TRABD2B: variants seen among roughly 807,000 people sequenced by gnomAD.
TRABD2B encodes the protein metalloprotease TIKI2.
In TRABD2B, 14 loss-of-function variants were observed where a neutral mutation model predicts 40.1. The ratio of observed to expected loss-of-function variants is 0.35; its 90% confidence interval spans 0.23 to 0.55. TRABD2B has a LOEUF of 0.55. Ranked by LOEUF, TRABD2B falls within the 20% of genes least tolerant of loss-of-function variation. TRABD2B has a pLI of 0.90. For missense variants in TRABD2B, 541 were observed against 648.6 expected (o/e 0.83, Z 1.80); for synonymous variants, 263 against 277.0 (o/e 0.95, Z 0.50).
intron 2 of TRABD2B, among the ~76,000 whole-genome samples, chr1:47,899,649 A>AAAAAG (rs1644572481): frequency 6.6e-6 from 1 of 152,206 alleles, no homozygotes; most frequent in African/African-American, 2.4e-5. Context: ...TTTGAAGAAG[A>AAAAAG]AAAAGGATTT....
chr1:47,860,717 T>TG (rs930021944), intron 2 of TRABD2B, among the ~76,000 whole-genome samples: 75 of 152,162 alleles, frequency 4.9e-4, no homozygotes, highest in African/African-American at 1.6e-3. Flanking sequence ...GTTTTGGTCA[T>TG]GGGGGGTCTC....
intron 2 of TRABD2B, among the ~76,000 whole-genome samples, chr1:47,822,297 C>T (rs1645122506): frequency 6.6e-6 from 1 of 152,214 alleles, no homozygotes; most frequent in South Asian, 2.1e-4. Flanking sequence ...AAGAACTCTC[C>T]ACCTTTCTAC....
intron 2 of TRABD2B, among the ~76,000 whole-genome samples, chr1:47,859,022 C>T (rs572632592): frequency 6.6e-6 from 1 of 152,280 alleles, no homozygotes; most frequent in Non-Finnish European, 1.5e-5. Flanking sequence ...GCAGGCTGGT[C>T]TTTGAGCCTG....
At chr1:47,886,424 C>T (rs1422429119) in intron 2 of TRABD2B, among the ~76,000 whole-genome samples, 1 of 152,178 alleles carries the variant, frequency 6.6e-6, no homozygotes, top group Non-Finnish European at 1.5e-5. Flanking sequence ...CTGCTGGACA[C>T]CTAGCTGGTG....
At chr1:47,984,509 C>G (rs1017194879) in intron 2 of TRABD2B, among the ~76,000 whole-genome samples, 15 of 152,342 alleles carry the variant, frequency 9.8e-5, no homozygotes, top group Admixed American at 7.2e-4. Context: ...CCCGGGGGAG[C>G]GCCAAGGTGA....
At chr1:47,903,922 A>T (rs1257993504) in intron 2 of TRABD2B, among the ~76,000 whole-genome samples, 2 of 152,200 alleles carry the variant, frequency 1.3e-5, no homozygotes, top group Non-Finnish European at 2.9e-5. Flanking sequence ...TGGTCAGATC[A>T]GGTCACTCTC....
chr1:47,987,655 A>G (rs1346359810), intron 2 of TRABD2B, among the ~76,000 whole-genome samples: 5 of 152,184 alleles, frequency 3.3e-5, no homozygotes, highest in Admixed American at 2.6e-4. Context: ...TGGAGAGGGG[A>G]TGGACAGAGC....
At chr1:47,950,060 C>T (rs1295802517) in intron 2 of TRABD2B, among the ~76,000 whole-genome samples, 12 of 151,994 alleles carry the variant, frequency 7.9e-5, no homozygotes, top group South Asian at 4.2e-4. Context: ...CCAAGGCAGA[C>T]GGATCACGAG....
At chr1:47,900,541 A>G (rs977457568) in intron 2 of TRABD2B, among the ~76,000 whole-genome samples, 5 of 152,142 alleles carry the variant, frequency 3.3e-5, no homozygotes, top group Admixed American at 2.0e-4. Context: ...GGAGCACCTA[A>G]AAGTGAAGTC....
chr1:47,915,595 G>C (rs1644820265), intron 2 of TRABD2B, among the ~76,000 whole-genome samples: 1 of 152,154 alleles, frequency 6.6e-6, no homozygotes, highest in African/African-American at 2.4e-5. Flanking sequence ...GGCCAGGCAG[G>C]GATTCAAAGC....
chr1:47,774,742 T>C (rs1014072471), intron 6 of TRABD2B, among the ~76,000 whole-genome samples: 1 of 152,234 alleles, frequency 6.6e-6, no homozygotes, highest in Non-Finnish European at 1.5e-5. Context: ...ACGGTTCCCT[T>C]TGCAGCCTCC....
chr1:47,949,175 C>T (rs1290515403), intron 2 of TRABD2B, among the ~76,000 whole-genome samples: 3 of 152,026 alleles, frequency 2.0e-5, no homozygotes. Context: ...GTGGGACAGA[C>T]ACTATTCTAA....
chr1:47,780,696 G>T (rs1165043816), intron 4 of TRABD2B, among the ~76,000 whole-genome samples: 1 of 152,188 alleles, frequency 6.6e-6, no homozygotes, highest in Non-Finnish European at 1.5e-5. Context: ...GTGGCACAGT[G>T]GGGGAGGCTG....
At chr1:47,834,509 G>A (rs545281249) in intron 2 of TRABD2B, among the ~76,000 whole-genome samples, 1 of 152,166 alleles carries the variant, frequency 6.6e-6, no homozygotes, top group East Asian at 1.9e-4. Flanking sequence ...AACAGGAAGT[G>A]CAGGCTAAGG....
chr1:47,949,636 C>T (rs1421593117), intron 2 of TRABD2B, among the ~76,000 whole-genome samples: 1 of 151,638 alleles, frequency 6.6e-6, no homozygotes, highest in East Asian at 2.0e-4. Context: ...TTGATCTCCT[C>T]ACCTCAAATG....
chr1:47,990,767 GGTTTTATATA>G (rs1645989909), intron 2 of TRABD2B, among the ~76,000 whole-genome samples: 1 of 66,640 alleles, frequency 1.5e-5, no homozygotes, highest in African/African-American at 6.0e-5. Context: ...TTAAAACGTT[GGTTTTATATA>G]TATATATATA....
At chr1:47,941,563 T>C (rs372679981) in intron 2 of TRABD2B, among the ~76,000 whole-genome samples, 10 of 152,370 alleles carry the variant, frequency 6.6e-5, no homozygotes, top group African/African-American at 2.4e-4. Flanking sequence ...TGCCTAGCTA[T>C]GTGAACCTGG....
At chr1:47,975,357 C>T (rs1645741126) in intron 2 of TRABD2B, among the ~76,000 whole-genome samples, 1 of 152,168 alleles carries the variant, frequency 6.6e-6, no homozygotes, top group African/African-American at 2.4e-5. Flanking sequence ...AAATGCTGCA[C>T]ATATATTTTC....
chr1:47,935,813 G>A (rs928399737), intron 2 of TRABD2B, among the ~76,000 whole-genome samples: 5 of 152,096 alleles, frequency 3.3e-5, no homozygotes, highest in Non-Finnish European at 7.3e-5. Flanking sequence ...TCATGCCCAC[G>A]CATCCCAAAT....
Sources: allele counts gnomAD v4.1 joint callset (sites outside exome capture counted in the v4.1 genomes callset), GRCh38; gene constraint gnomAD v4.1.1; transcripts MANE v1.5; gene names NCBI Gene and HGNC (gene_info 2026-07-23, HGNC 2026-07-21).